The following NIPAL1 variants were observed in gnomAD, a reference collection of about 807,000 sequenced individuals.
NIPAL1 encodes magnesium transporter NIPA3.
In NIPAL1, 35 loss-of-function variants were observed where a neutral mutation model predicts 37.7. The ratio of observed to expected loss-of-function variants is 0.93; its 90% CI spans 0.71 to 1.23. The LOEUF (loss-of-function observed/expected upper bound fraction) is 1.23. Among genes scored for constraint, NIPAL1 ranks in the 50% most tolerant of loss-of-function variants. The probability of loss-of-function intolerance (pLI) is 0.00; values close to 1 mark genes in which losing one functional copy is unlikely to be tolerated. For missense variants in NIPAL1, 412 were observed against 473.9 expected (o/e 0.87, Z 1.21); for synonymous variants, 162 against 183.0 (o/e 0.89, Z 0.93).
intron 4 of NIPAL1, among the ~76,000 whole-genome samples, chr4:48,033,639 T>C (rs1715866914): frequency 1.3e-5 from 2 of 152,270 alleles, no homozygotes; most frequent in Admixed American, 1.3e-4. Flanking sequence ...TGGATACTTC[T>C]GTTTGGAGAC....
intron 5 of NIPAL1, 43 bp downstream of exon 5, chr4:48,035,084 T>G: frequency 6.7e-7 from 1 of 1,493,448 alleles, no homozygotes; most frequent in Admixed American, 1.7e-5. Context: ...TCTGCTCCAC[T>G]TTCTCTCCTC....
intron 2 of NIPAL1, among the ~76,000 whole-genome samples, chr4:48,026,804 C>T (rs1454299197): frequency 2.6e-5 from 4 of 151,898 alleles, no homozygotes; most frequent in Admixed American, 1.3e-4. Context: ...CTGCAACCTC[C>T]ACCTCCCAGG....
chr4:48,029,624 A>AT (rs1715778211), intron 2 of NIPAL1, among the ~76,000 whole-genome samples: 1 of 152,224 alleles, frequency 6.6e-6, no homozygotes, highest in East Asian at 1.9e-4. Flanking sequence ...ATGAAAGAAT[A>AT]AAATGGGTGA....
chr4:48,021,513 A>G (rs528110320), intron 1 of NIPAL1, among the ~76,000 whole-genome samples: 1 of 152,362 alleles, frequency 6.6e-6, no homozygotes, highest in African/African-American at 2.4e-5. Flanking sequence ...CATCAATTTC[A>G]TATAGTTCAA....
rs974185387 is a variant in NIPAL1, at chr4:48,018,701, G to A, written c.46+1816G>A. On this transcript the variant is annotated intron_variant, in intron 1 of 5. Coordinates refer to ENST00000295461, the MANE Select transcript of NIPAL1 (RefSeq NM_207330.3). ...AAATAACAAGAGTCCCATGTGCCAA[G>A]CACTGGCATAGGTGCTGGGATAGAG... 3.9e-5 allele frequency among the ~76,000 whole-genome samples: 6 copies of A among 152,314 alleles called. No individual in the cohort carries two copies. The East Asian group carries it at 1.2e-3, about 29-fold the overall frequency.
At position 48,038,280 on chromosome 4, in the gene NIPAL1, T is replaced by C. The variant is rs1213384163; in HGVS notation, c.*2108T>C. Reference sequence around the variant, plus strand: ...GGGTTGATACCTCAGGTCAAAAATGTGTTTACTCTGTTGATTGCTGTTTCA... The same window carrying C: ...GGGTTGATACCTCAGGTCAAAAATGCGTTTACTCTGTTGATTGCTGTTTCA... On this transcript the variant is annotated 3_prime_UTR_variant, in exon 6 of 6. Coordinates refer to ENST00000295461, the MANE Select transcript of NIPAL1 (RefSeq NM_207330.3). The C allele has an allele frequency of 6.6e-6, 1 of 152,214 alleles. No individual in the cohort carries two copies. The highest frequency in any genetic ancestry group is 1.5e-5 in the Non-Finnish European group (1 of 68,028). 9.4% of individuals were successfully genotyped at this position (152,214 alleles called of 1,614,324 possible).
rs969558246 is a variant in NIPAL1 at position 48,037,241 on chromosome 4, C to T, written c.*1069C>T. On this transcript the variant is annotated 3_prime_UTR_variant, in exon 6 of 6. Coordinates refer to ENST00000295461, the MANE Select transcript of NIPAL1 (RefSeq NM_207330.3). ...TACTTCAGATAAAGGAAAAAGTTTTCTTCTCACAAAAACACAGACACGTGA... is the reference window on the plus strand; with the variant it reads ...TACTTCAGATAAAGGAAAAAGTTTTTTTCTCACAAAAACACAGACACGTGA... 3.3e-5 allele frequency: 14 copies of T among 430,748 alleles called. No homozygotes were observed. The highest frequency in any genetic ancestry group is 2.9e-4 in the African/African-American group (14 of 48,460). 26.7% of individuals were successfully genotyped at this position (430,748 alleles called of 1,614,324 possible). A position where few individuals can be genotyped will look rare whatever the true frequency, so the allele number is the denominator to read the frequency against.
At position 48,034,863 on chromosome 4, in the gene NIPAL1, T is replaced by C. The variant is rs1373803640; in HGVS notation, c.462-18T>C. 1.9e-5 allele frequency: 30 copies of C among 1,603,232 alleles called. No homozygotes were observed. The highest frequency in any genetic ancestry group is 2.5e-5 in the Non-Finnish European group (29 of 1,172,382). On this transcript the variant is annotated intron_variant, in intron 4 of 5. Transcript: ENST00000295461. The stretch of plus-strand genomic sequence containing the variant: ...GTAATTGAGCTATAGTGATTTTTAA[T>C]TTTTTCTCTCCCAACAGTGCAATAT...
rs779505788 is a variant in NIPAL1, at chr4:48,035,038, C to T, written c.619C>T (p.Pro207Ser). 1.3e-5 allele frequency: 21 copies of T among 1,613,072 alleles called. No individual in the cohort carries two copies. The Admixed American group carries it at 1.3e-4, about 10-fold the overall frequency. The part of the protein sequence containing the change: ...LHEMEMKLRD[P>S]GFISFAVIIT... The stretch of plus-strand genomic sequence containing the variant: ...TGAAATGGAAATGAAATTGAGAGAC[C>T]CAGGTCTGTGATTCAACCTAAAGAA... Residue 207 changes from proline to serine, a missense_variant, in exon 5 of 6, where the codon CCA becomes TCA. Physicochemically the swap from Pro to Ser is moderately conservative, Grantham distance 74 (BLOSUM62 -1). Coordinates refer to ENST00000295461, the MANE Select transcript of NIPAL1 (RefSeq NM_207330.3).
rs374561692 is a variant in NIPAL1, at chr4:48,036,186, A to T, written c.*14A>T. 3.8e-6 allele frequency: 6 copies of T among 1,582,944 alleles called. No homozygotes were observed. The African/African-American group carries it at 6.9e-5, about 18-fold the overall frequency. ...ACTGATGACTGAAGTCTCTAGAAACACTGAGTTTTAACCAATATGAGACAC... is the reference window on the plus strand; with the variant it reads ...ACTGATGACTGAAGTCTCTAGAAACTCTGAGTTTTAACCAATATGAGACAC... On this transcript the variant is annotated 3_prime_UTR_variant, in exon 6 of 6. Transcript: ENST00000295461.
chr4:48,022,659 A>G (rs1303396739), intron 1 of NIPAL1, among the ~76,000 whole-genome samples: 1 of 152,224 alleles, frequency 6.6e-6, no homozygotes, highest in Non-Finnish European at 1.5e-5. Flanking sequence ...ATGTTTTCTT[A>G]GGAATGAATG....
At chr4:48,030,075 A>G (rs1416885126) in intron 2 of NIPAL1, 45 bp from the exon 3 acceptor site, 3 of 1,144,826 alleles carry the variant, frequency 2.6e-6, no homozygotes, top group East Asian at 2.3e-5. Context: ...ACCTTCCTCC[A>G]GTGTAGAACC....
intron 1 of NIPAL1, among the ~76,000 whole-genome samples, chr4:48,020,488 C>T (rs1055136314): frequency 3.3e-5 from 5 of 152,208 alleles, no homozygotes; most frequent in Admixed American, 6.5e-5. Flanking sequence ...TGAAGGTTGA[C>T]TGATCTAGAT....
chr4:48,029,345 TCTTA>T (rs1433581803), intron 2 of NIPAL1, among the ~76,000 whole-genome samples: 1 of 152,206 alleles, frequency 6.6e-6, no homozygotes, highest in Non-Finnish European at 1.5e-5. Context: ...AGCTGCATGT[TCTTA>T]CTTATAAGTG....
rs1715920674 is a variant in NIPAL1 at position 48,035,951 on chromosome 4, A to T, written c.1012A>T (p.Ile338Phe). Residue 338 changes from isoleucine (I) to phenylalanine (F), a missense_variant, in exon 6 of 6, where the codon ATT becomes TTT. Ile to Phe is a conservative substitution (Grantham distance 21, BLOSUM62 0). Transcript: ENST00000295461. ...EWYGMTAGDIIGTLSGFFTII... is the reference protein window; with the variant it reads ...EWYGMTAGDIFGTLSGFFTII... Reference sequence around the variant, plus strand: ...GTATGGCATGACAGCTGGAGATATCATTGGGACCCTGAGTGGATTCTTCAC... The same window carrying T: ...GTATGGCATGACAGCTGGAGATATCTTTGGGACCCTGAGTGGATTCTTCAC... The T allele has an allele frequency of 6.2e-7, 1 of 1,613,966 alleles. No homozygotes were observed. Among genetic ancestry groups the T allele is most frequent in the Non-Finnish European group, 8.5e-7 (1 of 1,179,902 alleles).
rs533680737 is a variant in NIPAL1 at position 48,036,416 on chromosome 4, T to G, written c.*244T>G. On this transcript the variant is annotated 3_prime_UTR_variant, in exon 6 of 6. Coordinates refer to ENST00000295461, the MANE Select transcript of NIPAL1 (RefSeq NM_207330.3). ...ATCAAAGAAGTCAAAGAGCTATGTG[T>G]GTCTCAGAATAATCTCCTTCTTCTG... is the stretch of plus-strand genomic sequence containing the variant. The G allele has an allele frequency of 1.1e-5, 5 of 440,742 alleles. No homozygotes were observed. The highest frequency in any genetic ancestry group is 1.0e-4 in the African/African-American group (5 of 47,954). The allele number at this position is 440,742 out of a possible 1,614,324, so 27.3% of individuals were successfully genotyped here. A position where few individuals can be genotyped will look rare whatever the true frequency, so the allele number is the denominator to read the frequency against.
rs1474764922 is a variant in NIPAL1, at chr4:48,039,019, AT to A, written c.*2849del. 6.6e-6 allele frequency: 1 copy of A among 151,418 alleles called. No homozygotes were observed. Among genetic ancestry groups the A allele is most frequent in the African/African-American group, 2.5e-5 (1 of 40,794 alleles). The allele number at this position is 151,418 out of a possible 1,614,324, so 9.4% of individuals were successfully genotyped here. ...ACATAAAAGTTACTGATGCACATGC[AT>A]TAAAAAAAAAAATGTTGTTGCAAAT... On this transcript the variant is annotated 3_prime_UTR_variant, in exon 6 of 6. Transcript: ENST00000295461.
rs1263642004 is a variant in NIPAL1, at chr4:48,027,532, AT to A, written c.313+2201del. Among the ~76,000 whole-genome samples, 2 of 152,206 alleles carry A rather than the reference AT, an allele frequency of 1.3e-5. No homozygotes were observed. Among genetic ancestry groups the A allele is most frequent in the African/African-American group, 4.8e-5 (2 of 41,452 alleles). On this transcript the variant is annotated intron_variant, in intron 2 of 5. Transcript: ENST00000295461. The surrounding 1 kb of genome is among the most constrained non-coding windows in gnomAD (Gnocchi z 4.1). ...GTTGTAATATAATTCCAAGTTAGTA[AT>A]TTGCCAATTTCTTAAGAAGAAAGTC... is the stretch of plus-strand genomic sequence containing the variant.
Position 48,016,781 on chromosome 4 carries a change from T to G in NIPAL1, c.-59T>G. 2.7e-6 allele frequency: 4 copies of G among 1,493,778 alleles called. No individual in the cohort carries two copies. The highest frequency in any genetic ancestry group is 3.6e-6 in the Non-Finnish European group (4 of 1,108,786). The allele number at this position is 1,493,778 out of a possible 1,614,324, so 92.5% of individuals were successfully genotyped here. Reference sequence around the variant, plus strand: ...CGCAGCCCCGCCCGCCGCGGGTGCGTGTGGAGAGGCCCAGGTGAGGAGCAA... The same window carrying G: ...CGCAGCCCCGCCCGCCGCGGGTGCGGGTGGAGAGGCCCAGGTGAGGAGCAA... On this transcript the variant is annotated 5_prime_UTR_variant, in exon 1 of 6. Transcript: ENST00000295461.
Sources: gnomAD v4.1 joint callset for allele counts (sites outside exome capture counted in the v4.1 genomes callset) on GRCh38, gnomAD v4.1.1 for gene constraint, Gnocchi (gnomAD v3.1) non-coding constraint, MANE v1.5 for transcripts, NCBI Gene and HGNC (gene_info 2026-07-23, HGNC 2026-07-21) for gene names.